CEP63: variants seen among roughly 807,000 people sequenced by gnomAD.
CEP63 encodes centrosomal protein 63.
In CEP63, 84 loss-of-function variants were observed where a neutral mutation model predicts 89.1. The ratio of observed to expected loss-of-function variants is 0.94; its 90% CI spans 0.79 to 1.13. The LOEUF (loss-of-function observed/expected upper bound fraction) is 1.13, where lower values mean the gene tolerates loss of function less well. CEP63 is among the 50% of genes most tolerant of loss of function. The pLI is 0.00. For synonymous variants in CEP63, 267 were observed against 272.5 expected (o/e 0.98, Z 0.20); for missense variants, 838 against 813.3 (o/e 1.03, Z -0.37).
chr3:134,560,195 CT>C (rs1957096073), intron 14 of CEP63, among the ~76,000 whole-genome samples: 1 of 152,184 alleles, frequency 6.6e-6, no homozygotes, highest in Admixed American at 6.5e-5. Context: ...TATGTATAGA[CT>C]TTCTCTATTC....
intron 2 of CEP63, among the ~76,000 whole-genome samples, chr3:134,496,466 C>T (rs1013050975): frequency 2.0e-5 from 3 of 147,628 alleles, no homozygotes; most frequent in Admixed American, 2.0e-4. Flanking sequence ...CCAAAGAGAA[C>T]AACTGGACAA....
In CEP63 at chr3:134,486,106, T is replaced by C. The variant is rs1935181235; in HGVS notation, c.-122T>C. The C allele has an allele frequency of 1.3e-5, 13 of 985,350 alleles. No homozygotes were observed. The highest frequency in any genetic ancestry group is 1.6e-5 in the Non-Finnish European group (13 of 830,028). The allele number at this position is 985,350 out of a possible 1,614,324, so 61.0% of individuals were successfully genotyped here. ...AGTCTGGAGAAGGCATTGTTTCAAT[T>C]ATTAAAAGTGTGGGGGCAGTGGGCG... On this transcript the variant is annotated 5_prime_UTR_variant, in exon 1 of 15. Coordinates refer to ENST00000675561, the MANE Select transcript of CEP63 (RefSeq NM_001353108.3).
chr3:134,531,989 C>T, intron 4 of CEP63, 49 bp downstream of exon 4: 1 of 1,327,450 alleles, frequency 7.5e-7, no homozygotes, highest in Non-Finnish European at 1.1e-6. Flanking sequence ...CTCTCTCTTT[C>T]ACCCTTGAGA....
At position 134,550,159 on chromosome 3, in the gene CEP63, C is replaced by T. The variant is rs933176029; in HGVS notation, c.1279C>T (p.Arg427Ter). 8.1e-6 allele frequency: 13 copies of T among 1,613,564 alleles called. No individual in the cohort carries two copies. Among genetic ancestry groups the T allele is most frequent in the South Asian group, 2.2e-5 (2 of 91,066 alleles). Residue 427 changes from arginine (R) to a stop codon, truncating the protein, a stop_gained, in exon 11 of 15, where the codon CGA becomes TGA. Transcript: ENST00000675561. LOFTEE classifies it high-confidence loss of function. ...ISHLTQELHQ[R>*]DITIASTKGS... ...CCATCTAACTCAGGAGTTACATCAG[C>T]GAGATATCACTATTGCTTCCACCAA...
the CEP63 span, among the ~76,000 whole-genome samples, chr3:134,602,509 C>T: frequency 6.6e-5 from 10 of 152,334 alleles, 1 homozygote; most frequent in African/African-American, 2.4e-4. Context: ...TTCTTCCCAG[C>T]CCTGGCTTTG....
downstream of CEP63, among the ~76,000 whole-genome samples, chr3:134,576,654 C>T (rs963247504): frequency 6.6e-6 from 1 of 152,178 alleles, no homozygotes; most frequent in African/African-American, 2.4e-5. Context: ...TCAAGGCTGT[C>T]ACAAGGCCAG....
chr3:134,745,806 T>A, the CEP63 span, among the ~76,000 whole-genome samples: 1 of 150,664 alleles, frequency 6.6e-6, no homozygotes, highest in Non-Finnish European at 1.5e-5. Context: ...TCCTTGTGAG[T>A]TTGCTCAGAA....
chr3:134,542,525 A>T (rs1158688263), intron 6 of CEP63, among the ~76,000 whole-genome samples: 1 of 152,154 alleles, frequency 6.6e-6, no homozygotes, highest in Non-Finnish European at 1.5e-5. Context: ...AGTGATGGGG[A>T]GCTTGGTAAG....
chr3:134,766,445 T>G, the CEP63 span, among the ~76,000 whole-genome samples: 1 of 152,368 alleles, frequency 6.6e-6, no homozygotes, highest in African/African-American at 2.4e-5. Flanking sequence ...CCTTGCCCAG[T>G]GCCTGGGACA....
At chr3:134,607,623 T>C in the CEP63 span, 1 of 985,738 alleles carries the variant, frequency 1.0e-6, no homozygotes. Context: ...TGGAGAGGCA[T>C]AAGAGACAAT....
the CEP63 span, among the ~76,000 whole-genome samples, chr3:134,595,711 A>C: frequency 6.6e-6 from 1 of 152,020 alleles, no homozygotes; most frequent in Non-Finnish European, 1.5e-5. Flanking sequence ...CTCATTCTCA[A>C]TCCTTCATGG....
intron 3 of CEP63, chr3:134,510,958 C>A: frequency 6.2e-6 from 1 of 161,664 alleles, no homozygotes; most frequent in South Asian, 1.4e-4. Context: ...GACGTTTACC[C>A]CTTGTCCACC....
At chr3:134,490,631 A>G (rs1937282574) in intron 1 of CEP63, among the ~76,000 whole-genome samples, 4 of 98,240 alleles carry the variant, frequency 4.1e-5, no homozygotes, top group African/African-American at 1.4e-4. Context: ...TATTATATGC[A>G]AAACCTTAGC....
At position 134,545,638 on chromosome 3, in the gene CEP63, A is replaced by C. The variant is rs754689941; in HGVS notation, c.608A>C (p.Gln203Pro). Residue 203 changes from glutamine to proline, a missense_variant, in exon 7 of 15, where the codon CAA becomes CCA. By Grantham distance (76) the Gln-to-Pro change is moderately conservative. Transcript: ENST00000675561. ...QKLESVELSS[Q>P]SEIQHLSSKL... ...TTAGAGTCTGTGGAACTTTCTAGCC[A>C]ATCAGAAATTCAACACTTAAGCAGT... The C allele has an allele frequency of 1.4e-5, 23 of 1,614,050 alleles. No homozygotes were observed. The highest frequency in any genetic ancestry group is 4.0e-5 in the African/African-American group (3 of 74,940).
At chr3:134,682,455 A>G in the CEP63 span, among the ~76,000 whole-genome samples, 4 of 152,240 alleles carry the variant, frequency 2.6e-5, no homozygotes, top group Non-Finnish European at 4.4e-5. Flanking sequence ...CTCTAAAAGA[A>G]GGAATTTGTT....
chr3:134,770,219 T>G, the CEP63 span, among the ~76,000 whole-genome samples: 1 of 152,246 alleles, frequency 6.6e-6, no homozygotes, highest in African/African-American at 2.4e-5. Context: ...TTCCTACTAC[T>G]GTTTCCCATC....
rs1463148234 is a variant in CEP63 at position 134,546,226 on chromosome 3, A to C, written c.867A>C (p.Gln289His). 1 of 1,613,848 alleles carries C rather than the reference A, an allele frequency of 6.2e-7. No homozygotes were observed. The highest frequency in any genetic ancestry group is 1.3e-5 in the African/African-American group (1 of 74,934). The change falls in exon 8 of 15, where the codon CAA (glutamine) becomes CAC (histidine). Residue 289 changes from glutamine to histidine, a missense_variant. Physicochemically the swap from Gln to His is conservative, Grantham distance 24. Coordinates refer to ENST00000675561, the MANE Select transcript of CEP63 (RefSeq NM_001353108.3). Reference protein sequence around the residue: ...QENLIHEARIQKEKLQEKVKA... With the variant: ...QENLIHEARIHKEKLQEKVKA... ...ATCTCATACATGAGGCCAGAATACA[A>C]AAGGAGAAGTTACAAGAAAAAGTAA...
At chr3:134,763,679 C>T in the CEP63 span, among the ~76,000 whole-genome samples, 1 of 152,172 alleles carries the variant, frequency 6.6e-6, no homozygotes, top group South Asian at 2.1e-4. Context: ...GTATTCTTTC[C>T]AGGACCATAA....
At chr3:134,742,936 A>G in the CEP63 span, among the ~76,000 whole-genome samples, 1 of 152,258 alleles carries the variant, frequency 6.6e-6, no homozygotes, top group African/African-American at 2.4e-5. Context: ...ATAGCAGCAC[A>G]AAGTGGACTA....
Sources: gnomAD v4.1 joint callset for allele counts (sites outside exome capture counted in the v4.1 genomes callset) on GRCh38, gnomAD v4.1.1 for gene constraint, MANE v1.5 for transcripts, NCBI Gene and HGNC (gene_info 2026-07-23, HGNC 2026-07-21) for gene names.